The following PADI2 variants were observed in gnomAD, a reference collection of about 807,000 sequenced individuals.
PADI2 encodes the protein peptidyl arginine deiminase 2, also known as protein-arginine deiminase type-2.
PADI2 carries 70 observed loss-of-function variants against 81.1 expected under a neutral mutation model. The ratio of observed to expected loss-of-function variants is 0.86; its 90% CI spans 0.71 to 1.05. PADI2 has a LOEUF of 1.05. Among genes scored for constraint, PADI2 ranks in the 50% least tolerant of loss-of-function variants. The pLI, the probability that PADI2 is intolerant of heterozygous loss-of-function variation, is 0.00. For missense variants in PADI2, 853 were observed against 889.9 expected, an observed-to-expected ratio of 0.96 and a Z score of 0.53; for synonymous variants, 338 against 358.0, an observed-to-expected ratio of 0.94 and a Z score of 0.63.
At chr1:17,082,872 C>T in intron 9 of PADI2, 1 of 464,560 alleles carries the variant, frequency 2.2e-6, no homozygotes, top group Non-Finnish European at 3.8e-6. Context: ...CGATATCAGC[C>T]CCATTTTTTT....
chr1:17,070,077 C>T lies in PADI2; in HGVS notation c.1764+11G>A, dbSNP rs747259788. On this transcript the variant is annotated intron_variant, in intron 15 of 15. Transcript: ENST00000375486. Reference sequence around the variant, plus strand: ...GGCATGGGGCGAGGGTTGGGGTCTGCAGGGCCTCACCATGTTTGGGAAGAA... The same window carrying T: ...GGCATGGGGCGAGGGTTGGGGTCTGTAGGGCCTCACCATGTTTGGGAAGAA... 1 of 1,612,954 alleles carries T rather than the reference C, an allele frequency of 6.2e-7. No homozygotes were observed. The highest frequency in any genetic ancestry group is 1.3e-5 in the African/African-American group (1 of 74,914).
intron 8 of PADI2, 64 bp from the exon 9 acceptor site, chr1:17,083,901 C>A: frequency 1.1e-6 from 1 of 950,862 alleles, no homozygotes; most frequent in Admixed American, 1.7e-5. Flanking sequence ...GAGTCATCTC[C>A]CTGAGATGGT....
chr1:17,076,041 T>G (rs2101575098), intron 11 of PADI2, among the ~76,000 whole-genome samples: 2 of 152,230 alleles, frequency 1.3e-5, no homozygotes, highest in African/African-American at 4.8e-5. Context: ...GCGGCCTGTG[T>G]GAAGGGCAGG....
intron 6 of PADI2, among the ~76,000 whole-genome samples, chr1:17,088,906 CAA>C (rs753463253): frequency 5.1e-5 from 2 of 38,838 alleles, no homozygotes; most frequent in South Asian, 1.2e-3. Context: ...GACTCCATCT[CAA>C]AAAAAAAAAA....
At chr1:17,074,995 C>A (rs1360927386) in intron 12 of PADI2, 46 bp from the exon 13 acceptor site, 1 of 1,311,632 alleles carries the variant, frequency 7.6e-7, no homozygotes, top group Non-Finnish European at 1.1e-6. Context: ...TGGGAAGGCA[C>A]CCAAGGAGCA....
chr1:17,110,398 G>A (rs187381709), intron 1 of PADI2, among the ~76,000 whole-genome samples: 86 of 152,322 alleles, frequency 5.6e-4, no homozygotes, highest in African/African-American at 1.9e-3. Flanking sequence ...GATATGCTCA[G>A]TGTAGTCTTT....
intron 1 of PADI2, among the ~76,000 whole-genome samples, chr1:17,118,041 C>A (rs1931817304): frequency 6.6e-6 from 1 of 152,170 alleles, no homozygotes; most frequent in Non-Finnish European, 1.5e-5. Flanking sequence ...AGTCCTGGGG[C>A]TTGTTGGTAT....
intron 8 of PADI2, 147 bp from the exon 9 acceptor site, chr1:17,083,984 G>A: frequency 1.7e-6 from 1 of 604,808 alleles, no homozygotes; most frequent in East Asian, 2.7e-5. Flanking sequence ...CCTTTATAAA[G>A]GCCGCTGGAA....
At position 17,082,656 on chromosome 1, in the gene PADI2, C is replaced by G; in HGVS notation, c.1051-4G>C. 1 of 1,575,532 alleles carries G rather than the reference C, an allele frequency of 6.3e-7. No homozygotes were observed. The highest frequency in any genetic ancestry group is 8.7e-7 in the Non-Finnish European group (1 of 1,153,474). ...TGTAGCCAAACTCAATTTCATCCTG[C>G]AGGGACACCAAGGAGAACTGTTAGA... is the stretch of plus-strand genomic sequence containing the variant. On this transcript the variant is annotated splice_region_variant and splice_polypyrimidine_tract_variant and intron_variant, in intron 9 of 15. Transcript: ENST00000375486.
At chr1:17,089,901 T>C (rs1930623852) in intron 6 of PADI2, among the ~76,000 whole-genome samples, 1 of 152,204 alleles carries the variant, frequency 6.6e-6, no homozygotes, top group Non-Finnish European at 1.5e-5. Flanking sequence ...TACTTTGGAA[T>C]GATTCCACTT....
chr1:17,110,173 AC>A (rs1304503089), intron 1 of PADI2, among the ~76,000 whole-genome samples: 1 of 152,012 alleles, frequency 6.6e-6, no homozygotes, highest in African/African-American at 2.4e-5. Flanking sequence ...TCTCGCAGAA[AC>A]CCGAGAGCCA....
rs1236923247 is a variant in PADI2, at chr1:17,088,691, G to A, written c.656-1992C>T. Among the ~76,000 whole-genome samples the A allele has an allele frequency of 3.3e-5, 5 of 152,064 alleles. No individual in the cohort carries two copies. In the South Asian group the frequency reaches 8.3e-4, roughly 25 times the overall value. ...TGGGATGCTGAGGCGGGCGAATCAC[G>A]AGGTCAGGAGTTTGAGACAAGACTG... On this transcript the variant is annotated intron_variant, in intron 6 of 15. Transcript: ENST00000375486.
chr1:17,106,718 C>T (rs946737329), intron 1 of PADI2, among the ~76,000 whole-genome samples: 6 of 152,074 alleles, frequency 3.9e-5, no homozygotes, highest in Admixed American at 1.3e-4. Context: ...GCTGGGATTA[C>T]AGGCGTGAGC....
At chr1:17,102,888 G>A in intron 3 of PADI2, 99 bp downstream of exon 3, 2 of 834,122 alleles carry the variant, frequency 2.4e-6, no homozygotes, top group Non-Finnish European at 4.0e-6. Context: ...CCAAGTGCCA[G>A]GTCAGCCGCA....
rs760846767 is a variant in PADI2, at chr1:17,103,047, A to C, written c.289T>G (p.Tyr97Asp). Residue 97 changes from tyrosine to aspartate, a missense_variant, in exon 3 of 16, where the codon TAC (tyrosine) becomes GAC (aspartate). By Grantham distance (160) the Tyr-to-Asp change is radical. Coordinates refer to ENST00000375486, the MANE Select transcript of PADI2 (RefSeq NM_007365.3). ...GGAATGCTCCCTTCCTCGTCATAGT[A>C]GTTGACGGTGACCTTGGTGGGGAGG... Reference protein sequence around the residue: ...EASSDKVTVNYYDEEGSIPID... With the variant: ...EASSDKVTVNDYDEEGSIPID... The C allele has an allele frequency of 3.1e-6, 5 of 1,612,672 alleles. No homozygotes were observed. The South Asian group carries it at 5.5e-5, about 18-fold the overall frequency.
Position 17,075,769 on chromosome 1 carries a change from C to A in PADI2, c.1365G>T (p.Gln455His). ...AGTAGAGCTCCACGGGCGCCTGCAC[C>A]TGCTGGGCCTTCAGGAAGTCACGCA... ...KVVRDFLKAQ[Q>H]VQAPVELYSD... is the part of the protein sequence containing the mutation. The change falls in exon 12 of 16, where the codon CAG (glutamine) becomes CAT (histidine). Residue 455 changes from glutamine to histidine, a missense_variant. Gln to His is a conservative substitution (Grantham distance 24, BLOSUM62 0). Coordinates refer to ENST00000375486, the MANE Select transcript of PADI2 (RefSeq NM_007365.3). The A allele has an allele frequency of 6.2e-7, 1 of 1,614,000 alleles. No individual in the cohort carries two copies. Among genetic ancestry groups the A allele is most frequent in the African/African-American group, 1.3e-5 (1 of 75,038 alleles).
intron 10 of PADI2, 67 bp downstream of exon 10, chr1:17,082,478 T>C (rs1217367038): frequency 9.5e-7 from 1 of 1,057,612 alleles, no homozygotes; most frequent in South Asian, 1.3e-5. Flanking sequence ...CAGGGTCTCC[T>C]GACCACTCTG....
At chr1:17,082,483 A>C in intron 10 of PADI2, 62 bp downstream of exon 10, 2 of 1,090,308 alleles carry the variant, frequency 1.8e-6, no homozygotes, top group Non-Finnish European at 2.8e-6. Flanking sequence ...TCTCCTGACC[A>C]CTCTGTCTTA....
At chr1:17,104,426 C>CTTTTTTTTTTTTTTTTTTTTT (rs1233283967) in intron 2 of PADI2, among the ~76,000 whole-genome samples, 1 of 98,294 alleles carries the variant, frequency 1.0e-5, no homozygotes, top group African/African-American at 3.8e-5. Context: ...TTCTTTTTGC[C>CTTTTTTTTTTTTTTTTTTTTT]TTTTCTTTTT....
Sources: allele counts gnomAD v4.1 joint callset (sites outside exome capture counted in the v4.1 genomes callset), GRCh38; gene constraint gnomAD v4.1.1; transcripts MANE v1.5; gene names NCBI Gene and HGNC (gene_info 2026-07-23, HGNC 2026-07-21).